DNAH11: variants seen among roughly 807,000 people sequenced by gnomAD.
DNAH11 encodes dynein axonemal heavy chain 11.
In DNAH11, 442 loss-of-function variants were observed where a neutral mutation model predicts 526.0. The observed-to-expected ratio is 0.84, with a 90% CI of 0.78 to 0.91. The LOEUF (loss-of-function observed/expected upper bound fraction) is 0.91. DNAH11 is among the 40% of genes least tolerant of loss of function. The pLI, the probability that DNAH11 is intolerant of heterozygous loss-of-function variation, is 0.00. For missense variants in DNAH11, 6,989 were observed against 5,448.7 expected (o/e 1.28, Z -8.90); for synonymous variants, 2,461 against 1,935.9 (o/e 1.27, Z -7.12).
At chr7:21,699,791 A>G (rs948783866) in intron 36 of DNAH11, among the ~76,000 whole-genome samples, 1 of 151,808 alleles carries the variant, frequency 6.6e-6, no homozygotes, top group Non-Finnish European at 1.5e-5. Flanking sequence ...AACTATATCT[A>G]TTTTCAGTAG....
chr7:21,739,802 C>G, intron 48 of DNAH11, 129 bp downstream of exon 48: 1 of 645,864 alleles, frequency 1.5e-6, no homozygotes, highest in Non-Finnish European at 2.6e-6. Context: ...ATTTTATTCC[C>G]ACTAACAACA....
At chr7:21,606,397 AT>A (rs1391832861) in intron 18 of DNAH11, 28 bp from the exon 19 acceptor site, 1 of 1,539,762 alleles carries the variant, frequency 6.5e-7, no homozygotes, top group South Asian at 1.2e-5. Flanking sequence ...AATTGAAGTA[AT>A]TTCGCATTTG....
chr7:21,831,452 C>G lies in DNAH11; in HGVS notation c.10692-11092C>G, dbSNP rs569067211. On this transcript the variant is annotated intron_variant, in intron 65 of 81. Coordinates refer to ENST00000409508, the MANE Select transcript of DNAH11 (RefSeq NM_001277115.2). The stretch of plus-strand genomic sequence containing the variant: ...CACTGAGTCATTATATAATTTTTGC[C>G]TCTCATAGATCATAAACACCCCAAT... 9.2e-5 allele frequency among the ~76,000 whole-genome samples: 14 copies of G among 152,158 alleles called. No homozygotes were observed. In the East Asian group the frequency reaches 2.7e-3, roughly 29 times the overall value.
At position 21,798,960 on chromosome 7, in the gene DNAH11, C is replaced by A. The variant is rs112619482; in HGVS notation, c.10027-2177C>A. On this transcript the variant is annotated intron_variant, in intron 61 of 81. Coordinates refer to ENST00000409508, the MANE Select transcript of DNAH11 (RefSeq NM_001277115.2). ...TTTTTTCAGTTTTAACTTCTAATAC[C>A]ACAAATATTACTTGATATCATCTGT... Among the ~76,000 whole-genome samples, 239 of 151,314 alleles carry A rather than the reference C, an allele frequency of 1.6e-3. 1 individual carries two copies. The highest frequency in any genetic ancestry group is 5.6e-3 in the African/African-American group (231 of 41,244).
intron 30 of DNAH11, among the ~76,000 whole-genome samples, chr7:21,675,808 A>C (rs1782856473): frequency 6.6e-6 from 1 of 152,180 alleles, no homozygotes; most frequent in African/African-American, 2.4e-5. Flanking sequence ...GGAGGAGACA[A>C]AGAAATACAT....
Position 21,807,969 on chromosome 7 carries a change from G to A in DNAH11, c.10252G>A (p.Val3418Met), listed in dbSNP as rs771057807. Reference protein sequence around the residue: ...CGDVLLTAAFVSYVGPFTRQY... With the variant: ...CGDVLLTAAFMSYVGPFTRQY... ...AGATGTTCTTCTCACGGCGGCATTT[G>A]TGTCTTACGTCGGACCCTTCACAAG... The change falls in exon 63 of 82, where the codon GTG becomes ATG. Residue 3418 changes from valine (V) to methionine (M), a missense_variant. Physicochemically the swap from Val to Met is conservative, Grantham distance 21 (BLOSUM62 1). Transcript: ENST00000409508. 1.2e-6 allele frequency: 2 copies of A among 1,607,968 alleles called. No homozygotes were observed. Among genetic ancestry groups the A allele is most frequent in the South Asian group, 1.1e-5 (1 of 89,944 alleles).
intron 66 of DNAH11, among the ~76,000 whole-genome samples, chr7:21,846,414 C>T (rs537392264): frequency 2.0e-5 from 3 of 151,876 alleles, no homozygotes; most frequent in Admixed American, 1.3e-4. Context: ...TCTAATTTGC[C>T]GAGAGTTTTT....
chr7:21,701,282 C>G (rs1784046506), intron 36 of DNAH11, among the ~76,000 whole-genome samples: 1 of 148,686 alleles, frequency 6.7e-6, no homozygotes, highest in Non-Finnish European at 1.5e-5. Flanking sequence ...TCACCAAACA[C>G]TTTTTACTTT....
At chr7:21,875,946 C>A (rs943586180) in intron 74 of DNAH11, among the ~76,000 whole-genome samples, 3 of 131,870 alleles carry the variant, frequency 2.3e-5, no homozygotes, top group South Asian at 4.8e-4. Context: ...TGCAGTGGTA[C>A]GATCTCGGCT....
chr7:21,553,940 C>T (rs1783118221), intron 2 of DNAH11, among the ~76,000 whole-genome samples: 1 of 151,996 alleles, frequency 6.6e-6, no homozygotes, highest in Admixed American at 6.6e-5. Context: ...CCAGCTCTTT[C>T]TTACAAAGTT....
rs574349194 is a variant in DNAH11, at chr7:21,857,993, ACAAG to A, written c.11202+3542_11202+3545del. The stretch of plus-strand genomic sequence containing the variant: ...ATGAAGATGAAAAGGTAGGCCACAG[ACAAG>A]CAAAGACAATATTCTCAATACATAT... On this transcript the variant is annotated intron_variant, in intron 68 of 81. Transcript: ENST00000409508. 2.5e-3 allele frequency among the ~76,000 whole-genome samples: 385 copies of A among 152,252 alleles called. 3 individuals carry two copies. Among genetic ancestry groups the A allele is most frequent in the African/African-American group, 8.7e-3 (363 of 41,552 alleles).
At chr7:21,614,638 A>C (rs532496491) in intron 20 of DNAH11, among the ~76,000 whole-genome samples, 1 of 152,328 alleles carries the variant, frequency 6.6e-6, no homozygotes, top group Non-Finnish European at 1.5e-5. Flanking sequence ...TTTTAGCTTT[A>C]TGCTTTATTT....
At chr7:21,850,172 C>A (rs370345255) in intron 66 of DNAH11, among the ~76,000 whole-genome samples, 2 of 149,238 alleles carry the variant, frequency 1.3e-5, no homozygotes, top group Non-Finnish European at 2.9e-5. Context: ...CTGGCTAACA[C>A]GGTGAAACCC....
intron 28 of DNAH11, among the ~76,000 whole-genome samples, chr7:21,644,278 A>C (rs886380773): frequency 4.6e-5 from 7 of 151,194 alleles, no homozygotes; most frequent in Middle Eastern, 3.4e-3. Flanking sequence ...GTGTGTTTTT[A>C]TGCAGAGCTT....
At chr7:21,835,659 A>G (rs139518219) in intron 65 of DNAH11, among the ~76,000 whole-genome samples, 1,552 of 152,284 alleles carry the variant, frequency 0.01, 24 homozygotes, top group African/African-American at 0.035. Flanking sequence ...CTAACATATT[A>G]AACAGGGAAA....
intron 41 of DNAH11, 25 bp downstream of exon 41, chr7:21,710,728 C>G (rs765093222): frequency 1.3e-6 from 2 of 1,595,294 alleles, no homozygotes; most frequent in East Asian, 2.3e-5. Flanking sequence ...TGTTCTCAAC[C>G]TTAAATATAA....
Position 21,601,412 on chromosome 7 carries a change from G to T in DNAH11, c.3442G>T (p.Glu1148Ter). The change falls in exon 18 of 82, where the codon GAA (glutamate) becomes TAA (stop). Residue 1148 changes from glutamate to a stop codon, truncating the protein, a stop_gained. Coordinates refer to ENST00000409508, the MANE Select transcript of DNAH11 (RefSeq NM_001277115.2). LOFTEE classifies it high-confidence loss of function. ...ATTTAATAGTCTGAATGAGCTACAA[G>T]AATTTATAAAGGAGACAGATTCCGG... ...FVIDSLNELQ[E>*]FIKETDSGLQ... 2 of 1,612,386 alleles carry T rather than the reference G, an allele frequency of 1.2e-6. No individual in the cohort carries two copies. The highest frequency in any genetic ancestry group is 1.1e-5 in the South Asian group (1 of 90,862).
chr7:21,732,160 T>G (rs1332006279), intron 45 of DNAH11, among the ~76,000 whole-genome samples: 7 of 152,176 alleles, frequency 4.6e-5, no homozygotes, highest in Non-Finnish European at 1.0e-4. Flanking sequence ...CAGAAGTTTC[T>G]TTTTTCACAG....
intron 30 of DNAH11, among the ~76,000 whole-genome samples, chr7:21,672,760 A>T (rs1431667011): frequency 1.3e-5 from 2 of 152,124 alleles, no homozygotes; most frequent in African/African-American, 4.8e-5. Flanking sequence ...GTATTTAGGG[A>T]CACACTCTTT....
Sources: allele counts gnomAD v4.1 joint callset (sites outside exome capture counted in the v4.1 genomes callset), GRCh38; gene constraint gnomAD v4.1.1; transcripts MANE v1.5; gene names NCBI Gene and HGNC (gene_info 2026-07-23, HGNC 2026-07-21).